HEYL: variants seen among roughly 807,000 people sequenced by gnomAD.
HEYL encodes the protein hairy/enhancer-of-split related with YRPW motif-like protein.
A neutral mutation model predicts 18.6 loss-of-function variants in HEYL; 12 were observed. That is an observed-to-expected ratio of 0.65 (90% confidence interval 0.41 to 1.05). The LOEUF (loss-of-function observed/expected upper bound fraction) is 1.05, where lower values mean the gene tolerates loss of function less well. HEYL is among the 50% of genes least tolerant of loss of function. The pLI, the probability that HEYL is intolerant of heterozygous loss-of-function variation, is 0.00. For synonymous variants in HEYL, 159 were observed against 179.6 expected (o/e 0.89, Z 0.91); for missense variants, 420 against 444.7 (o/e 0.94, Z 0.50).
intron 1 of HEYL, among the ~76,000 whole-genome samples, chr1:39,637,273 G>A (rs942886317): frequency 1.3e-5 from 2 of 152,190 alleles, no homozygotes; most frequent in Non-Finnish European, 2.9e-5. Flanking sequence ...AGATGTGGCA[G>A]GACTGCCACC....
At position 39,639,528 on chromosome 1, in the gene HEYL, C is replaced by T. The variant is rs764180624; in HGVS notation, c.80+18G>A. On this transcript the variant is annotated intron_variant, in intron 1 of 4. Transcript: ENST00000372852. Reference sequence around the variant, plus strand: ...CGCTCGCCCTCCGCCTGCTCGGTCCCCGCATCCCGGCCCTTACCTCAGCTG... The same window carrying T: ...CGCTCGCCCTCCGCCTGCTCGGTCCTCGCATCCCGGCCCTTACCTCAGCTG... 6.4e-7 allele frequency: 1 copy of T among 1,570,892 alleles called. No individual in the cohort carries two copies. Among genetic ancestry groups the T allele is most frequent in the South Asian group, 1.2e-5 (1 of 86,340 alleles).
intron 1 of HEYL, among the ~76,000 whole-genome samples, chr1:39,639,125 G>C (rs1646374446): frequency 6.6e-6 from 1 of 152,174 alleles, no homozygotes; most frequent in African/African-American, 2.4e-5. Flanking sequence ...ATCCAAACTA[G>C]GGTAAAATTG....
At position 39,628,650 on chromosome 1, in the gene HEYL, T is replaced by G. The variant is rs895066368; in HGVS notation, c.314-1470A>C. Among the ~76,000 whole-genome samples the G allele has an allele frequency of 5.3e-5, 8 of 151,942 alleles. No individual in the cohort carries two copies. In the East Asian group the frequency reaches 1.4e-3, roughly 26 times the overall value. ...TCTCGCTCTGTCGCCCAGGCTAGAG[T>G]GCAGTGGTGCGATCTCGACTCACTG... On this transcript the variant is annotated intron_variant, in intron 4 of 4. Coordinates refer to ENST00000372852, the MANE Select transcript of HEYL (RefSeq NM_014571.4).
chr1:39,629,954 G>A (rs187078125), intron 4 of HEYL, among the ~76,000 whole-genome samples: 17 of 152,276 alleles, frequency 1.1e-4, no homozygotes, highest in Admixed American at 9.2e-4. Context: ...GACAAGAGTG[G>A]GACCCATAGG....
intron 1 of HEYL, among the ~76,000 whole-genome samples, chr1:39,638,680 C>T (rs1363590572): frequency 1.3e-5 from 2 of 152,228 alleles, no homozygotes; most frequent in Non-Finnish European, 2.9e-5. Flanking sequence ...CTGCAGACTC[C>T]CAGTCAGCCC....
At chr1:39,628,522 G>A (rs943063920) in intron 4 of HEYL, among the ~76,000 whole-genome samples, 25 of 151,910 alleles carry the variant, frequency 1.6e-4, no homozygotes, top group African/African-American at 5.1e-4. Flanking sequence ...CAGGTGATCC[G>A]CCCACCTCGG....
chr1:39,630,012 G>C (rs1040091967), intron 4 of HEYL, among the ~76,000 whole-genome samples: 3 of 152,216 alleles, frequency 2.0e-5, no homozygotes, highest in Non-Finnish European at 4.4e-5. Flanking sequence ...AGACTGGAGG[G>C]AGCTGAACTG....
intron 1 of HEYL, among the ~76,000 whole-genome samples, chr1:39,635,844 G>A (rs561624739): frequency 2.6e-5 from 4 of 152,284 alleles, no homozygotes; most frequent in Admixed American, 2.6e-4. Flanking sequence ...TCCAGCCCGC[G>A]ATCTGGCCCT....
rs1288368740 is a variant in HEYL, at chr1:39,624,523, G to C, written c.*1984C>G. 6.5e-6 allele frequency: 1 copy of C among 153,294 alleles called. No homozygotes were observed. The highest frequency in any genetic ancestry group is 6.5e-5 in the Admixed American group (1 of 15,298). The allele number at this position is 153,294 out of a possible 1,614,324, so 9.5% of individuals were successfully genotyped here. A position where few individuals can be genotyped will look rare whatever the true frequency, so the allele number is the denominator to read the frequency against. ...TATCCCAGGAGCAGCAGGAGAGGAG[G>C]AGGAGGAGGAGGAGTTGTCCTTGTT... On this transcript the variant is annotated 3_prime_UTR_variant, in exon 5 of 5. Transcript: ENST00000372852.
chr1:39,638,415 C>T (rs1293245699), intron 1 of HEYL, among the ~76,000 whole-genome samples: 1 of 152,180 alleles, frequency 6.6e-6, no homozygotes, highest in Non-Finnish European at 1.5e-5. Context: ...TATGATCATG[C>T]CACTGCACTC....
rs753842517 is a variant in HEYL, at chr1:39,626,542, A to C, written c.952T>G (p.Trp318Gly). The C allele has an allele frequency of 6.5e-7, 1 of 1,546,972 alleles. No individual in the cohort carries two copies. The highest frequency in any genetic ancestry group is 8.7e-7 in the Non-Finnish European group (1 of 1,145,358). ...RPAGAMLYHS[W>G]VSEITEIGAF ...CCGATTTCAGTGATTTCAGAGACCC[A>C]GGAGTGGTAGAGCATGGCTCCCGCT... Residue 318 changes from tryptophan (W) to glycine (G), a missense_variant, in exon 5 of 5, where the codon TGG becomes GGG. Coordinates refer to ENST00000372852, the MANE Select transcript of HEYL (RefSeq NM_014571.4).
intron 1 of HEYL, among the ~76,000 whole-genome samples, chr1:39,634,285 G>A (rs1646351422): frequency 6.6e-6 from 1 of 152,056 alleles, no homozygotes; most frequent in African/African-American, 2.4e-5. Flanking sequence ...AGTAGAGACG[G>A]GGTTTCACCA....
intron 1 of HEYL, among the ~76,000 whole-genome samples, chr1:39,639,175 G>C (rs1188167921): frequency 3.3e-5 from 5 of 152,194 alleles, no homozygotes; most frequent in Non-Finnish European, 5.9e-5. Flanking sequence ...GCAGATTCCA[G>C]ACAGGGGCCA....
rs1646376233 is a variant in HEYL at position 39,639,464 on chromosome 1, C to T, written c.80+82G>A. On this transcript the variant is annotated intron_variant, in intron 1 of 4. Coordinates refer to ENST00000372852, the MANE Select transcript of HEYL (RefSeq NM_014571.4). ...TGCCCAGGCGGTGCTGGAGGGCTGG[C>T]CCGCCTGCTCGGCGAGCCCGTCGGG... 74 of 1,231,122 alleles carry T rather than the reference C, an allele frequency of 6.0e-5. No individual in the cohort carries two copies. The South Asian group carries it at 9.8e-4, about 16-fold the overall frequency. 76.3% of individuals were successfully genotyped at this position (1,231,122 alleles called of 1,614,324 possible).
At position 39,639,558 on chromosome 1, in the gene HEYL, T is replaced by A. The variant is rs1183451914; in HGVS notation, c.68A>T (p.Glu23Val). Residue 23 changes from glutamate to valine, a missense_variant, in exon 1 of 5, where the codon GAG becomes GTG. Coordinates refer to ENST00000372852, the MANE Select transcript of HEYL (RefSeq NM_014571.4). ...TCCCGGCCCTTACCTCAGCTGGCCC[T>A]CTTGGCCCACGTCGATGGGTCCGTC... ...ESDGPIDVGQEGQLSQMARPL... is the reference protein window; with the variant it reads ...ESDGPIDVGQVGQLSQMARPL... 6.3e-7 allele frequency: 1 copy of A among 1,584,198 alleles called. No homozygotes were observed. Among genetic ancestry groups the A allele is most frequent in the South Asian group, 1.1e-5 (1 of 87,970 alleles).
In HEYL at chr1:39,626,585, T is replaced by C; in HGVS notation, c.909A>G (p.Pro303=). 1.3e-6 allele frequency: 2 copies of C among 1,552,562 alleles called. No individual in the cohort carries two copies. The highest frequency in any genetic ancestry group is 1.7e-6 in the Non-Finnish European group (2 of 1,148,868). The change falls in exon 5 of 5, where the codon CCA becomes CCG. Residue 303 remains proline, a synonymous_variant. Transcript: ENST00000372852. ...CTCCCGCTGGCCTCCCAGCTGGCCC[T>C]GGGGAGGATGAGTTGGGGGTGGGAA... ...VAVPTPNSSS[P]GPAGRPAGAM...
chr1:39,631,484 A>T lies in HEYL; in HGVS notation c.231+12T>A. The T allele has an allele frequency of 6.2e-7, 1 of 1,612,236 alleles. No individual in the cohort carries two copies. Among genetic ancestry groups the T allele is most frequent in the Non-Finnish European group, 8.5e-7 (1 of 1,178,242 alleles). The stretch of plus-strand genomic sequence containing the variant: ...CAGTATTTCCTCTAGCACAATCAGC[A>T]ATGTCACATACCTGTTTCTCAAAGG... On this transcript the variant is annotated intron_variant, in intron 3 of 4. Coordinates refer to ENST00000372852, the MANE Select transcript of HEYL (RefSeq NM_014571.4).
At chr1:39,638,539 G>A (rs1032866154) in intron 1 of HEYL, among the ~76,000 whole-genome samples, 1 of 152,244 alleles carries the variant, frequency 6.6e-6, no homozygotes, top group African/African-American at 2.4e-5. Flanking sequence ...GAGAGATGAA[G>A]TATATCCCTT....
chr1:39,636,487 C>T (rs1452839448), intron 1 of HEYL, among the ~76,000 whole-genome samples: 6 of 152,068 alleles, frequency 3.9e-5, no homozygotes, highest in South Asian at 2.1e-4. Flanking sequence ...AGGATGGTCT[C>T]GATCTCTTGA....
Sources: allele counts gnomAD v4.1 joint callset (sites outside exome capture counted in the v4.1 genomes callset), GRCh38; gene constraint gnomAD v4.1.1; transcripts MANE v1.5; gene names NCBI Gene and HGNC (gene_info 2026-07-23, HGNC 2026-07-21).